The following ARHGEF10 variants were observed in gnomAD, a reference collection of about 807,000 sequenced individuals.
ARHGEF10 encodes Rho guanine nucleotide exchange factor 10.
In ARHGEF10, 140 loss-of-function variants were observed where a neutral mutation model predicts 147.4. The ratio of observed to expected loss-of-function variants is 0.95; its 90% CI spans 0.83 to 1.09. The LOEUF (loss-of-function observed/expected upper bound fraction) is 1.09. Ranked by LOEUF, ARHGEF10 falls within the 50% of genes least tolerant of loss-of-function variation. ARHGEF10 has a pLI of 0.00. For synonymous variants in ARHGEF10, 902 were observed against 695.8 expected, an observed-to-expected ratio of 1.30 and a Z score of -4.67; for missense variants, 2,222 against 1,752.7, an observed-to-expected ratio of 1.27 and a Z score of -4.78.
At chr8:1,865,600 C>T (rs1339809817) in intron 5 of ARHGEF10, among the ~76,000 whole-genome samples, 2 of 152,234 alleles carry the variant, frequency 1.3e-5, no homozygotes, top group Non-Finnish European at 2.9e-5. Context: ...ACCCACAGGG[C>T]CATCACCAGG....
At chr8:1,949,017 CATGTGTGT>C (rs1814814569) in intron 27 of ARHGEF10, among the ~76,000 whole-genome samples, 2 of 102,860 alleles carry the variant, frequency 1.9e-5, no homozygotes, top group African/African-American at 7.3e-5. Flanking sequence ...AATGGGTTTT[CATGTGTGT>C]GTGTGTGTGT....
intron 8 of ARHGEF10, among the ~76,000 whole-genome samples, 158 bp downstream of exon 8, chr8:1,876,892 G>C (rs1405392412): frequency 6.6e-6 from 1 of 152,230 alleles, no homozygotes; most frequent in African/African-American, 2.4e-5. Context: ...AGGAGAAGAC[G>C]TGTCTTGTTT....
chr8:1,925,493 G>A, intron 22 of ARHGEF10, 89 bp downstream of exon 22: 1 of 1,558,716 alleles, frequency 6.4e-7, no homozygotes, highest in East Asian at 2.3e-5. Flanking sequence ...AAGGGGCGTG[G>A]TCAGAACATG....
At chr8:1,913,031 G>C (rs184436900) in intron 18 of ARHGEF10, among the ~76,000 whole-genome samples, 2 of 152,174 alleles carry the variant, frequency 1.3e-5, no homozygotes, top group South Asian at 4.2e-4. Flanking sequence ...GCCATTCTGT[G>C]GGGGGGTTTC....
At chr8:1,874,908 GGTAC>G (rs1335363544) in intron 7 of ARHGEF10, among the ~76,000 whole-genome samples, 1 of 22,218 alleles carries the variant, frequency 4.5e-5, no homozygotes, top group African/African-American at 1.6e-4. Context: ...CCGTGTAGGG[GGTAC>G]AGGTTCTAAG....
intron 28 of ARHGEF10, among the ~76,000 whole-genome samples, chr8:1,955,959 T>C (rs1427565929): frequency 6.6e-6 from 1 of 152,206 alleles, no homozygotes; most frequent in Non-Finnish European, 1.5e-5. Context: ...GGAAATGGAC[T>C]CTCACCACGG....
intron 2 of ARHGEF10, 48 bp from the exon 3 acceptor site, chr8:1,857,912 A>ATCTATCTG: frequency 7.2e-7 from 1 of 1,382,940 alleles, no homozygotes; most frequent in Non-Finnish European, 1.0e-6. Context: ...CTATCTATCT[A>ATCTATCTG]TCTATCTATC....
rs796203652 is a variant in ARHGEF10 at position 1,888,144 on chromosome 8, C to G, written c.1182+2437C>G. Among the ~76,000 whole-genome samples, 289 of 68,214 alleles carry G rather than the reference C, an allele frequency of 4.2e-3. 17 individuals are homozygous for G. The highest frequency in any genetic ancestry group is 0.032 in the East Asian group (33 of 1,018). The allele number at this position is 68,214 out of a possible 152,430, so 44.8% of individuals were successfully genotyped here. A position where few individuals can be genotyped will look rare whatever the true frequency, so the allele number is the denominator to read the frequency against. ...TGGGGTGAGGGTTTGCGAGGAGACA[C>G]TTAGTGGGGCGAGGGTTGCGAGGAG... On this transcript the variant is annotated intron_variant, in intron 11 of 28. Coordinates refer to ENST00000349830, the MANE Select transcript of ARHGEF10 (RefSeq NM_014629.4).
At chr8:1,901,399 G>A (rs1810448436) in intron 15 of ARHGEF10, among the ~76,000 whole-genome samples, 1 of 152,154 alleles carries the variant, frequency 6.6e-6, no homozygotes, top group East Asian at 1.9e-4. Context: ...GTGCTGTGAA[G>A]CCACAGCTGT....
At chr8:1,837,618 G>A (rs1183460268) in intron 1 of ARHGEF10, among the ~76,000 whole-genome samples, 3 of 152,182 alleles carry the variant, frequency 2.0e-5, no homozygotes, top group African/African-American at 4.8e-5. Flanking sequence ...CTGGTGTTGT[G>A]TTCATTCTTG....
chr8:1,884,156 G>C (rs76189885), intron 10 of ARHGEF10, among the ~76,000 whole-genome samples: 1 of 152,150 alleles, frequency 6.6e-6, no homozygotes, highest in African/African-American at 2.4e-5. Flanking sequence ...CATTTTTGGA[G>C]GCCGAGGCGG....
intron 6 of ARHGEF10, among the ~76,000 whole-genome samples, 182 bp from the exon 7 acceptor site, chr8:1,869,012 C>T (rs1008169591): frequency 3.3e-5 from 5 of 152,054 alleles, no homozygotes; most frequent in African/African-American, 1.2e-4. Flanking sequence ...AGCTACCTTA[C>T]AGCCCTCATT....
At chr8:1,922,407 T>TA (rs1235698267) in intron 18 of ARHGEF10, among the ~76,000 whole-genome samples, 7 of 152,142 alleles carry the variant, frequency 4.6e-5, no homozygotes, top group African/African-American at 1.7e-4. Context: ...CAACGGTGTC[T>TA]AAAAAATACA....
intron 18 of ARHGEF10, among the ~76,000 whole-genome samples, chr8:1,919,699 GGTGATGGAGCTGTTCTGTCA>G (rs1224025626): frequency 3.3e-5 from 5 of 149,424 alleles, no homozygotes; most frequent in Admixed American, 1.3e-4. Flanking sequence ...CTGTTTTGTG[GGTGATGGAGCTGTTCTGTCA>G]GTGATGGAGC....
intron 18 of ARHGEF10, among the ~76,000 whole-genome samples, chr8:1,918,555 A>G (rs1288033418): frequency 6.6e-6 from 1 of 151,670 alleles, no homozygotes; most frequent in Non-Finnish European, 1.5e-5. Context: ...ATATACATGT[A>G]TGGTTTAAAA....
intron 14 of ARHGEF10, among the ~76,000 whole-genome samples, chr8:1,896,881 C>T (rs1455309405): frequency 6.6e-6 from 1 of 152,200 alleles, no homozygotes; most frequent in Non-Finnish European, 1.5e-5. Flanking sequence ...TGTGTTCCTC[C>T]CAATGCTGAG....
intron 2 of ARHGEF10, among the ~76,000 whole-genome samples, chr8:1,853,880 A>T (rs888480848): frequency 6.6e-6 from 1 of 152,138 alleles, no homozygotes; most frequent in Admixed American, 6.5e-5. Context: ...CTCTGCTGTC[A>T]TGAGGACACT....
intron 23 of ARHGEF10, chr8:1,927,629 T>G (rs1398691840): frequency 6.6e-6 from 1 of 152,384 alleles, no homozygotes; most frequent in African/African-American, 2.4e-5. Flanking sequence ...CTTTAGAAAT[T>G]CCACGGCAGG....
At chr8:1,894,029 C>T (rs1481326888) in intron 12 of ARHGEF10, among the ~76,000 whole-genome samples, 1 of 151,922 alleles carries the variant, frequency 6.6e-6, no homozygotes, top group Non-Finnish European at 1.5e-5. Context: ...AAAATATTAG[C>T]CGGGTGTGGC....
Sources: gnomAD v4.1 joint callset for allele counts (sites outside exome capture counted in the v4.1 genomes callset) on GRCh38, gnomAD v4.1.1 for gene constraint, MANE v1.5 for transcripts, NCBI Gene and HGNC (gene_info 2026-07-23, HGNC 2026-07-21) for gene names.